SH3RF3: variants seen among roughly 807,000 people sequenced by gnomAD.
SH3RF3 encodes SH3 domain containing ring finger 3.
Under a neutral mutation model 66.3 loss-of-function variants are expected in SH3RF3, and 29 were observed. That is an observed-to-expected ratio of 0.44 (90% CI 0.33 to 0.60). The LOEUF is 0.60. SH3RF3 is among the 20% of genes least tolerant of loss of function. The probability of loss-of-function intolerance (pLI) is 0.04; values close to 1 mark genes in which losing one functional copy is unlikely to be tolerated. For synonymous variants in SH3RF3, 583 were observed against 532.0 expected (o/e 1.10, Z -1.32); for missense variants, 1,194 against 1,190.9 (o/e 1.00, Z -0.04).
intron 3 of SH3RF3, among the ~76,000 whole-genome samples, chr2:109,392,458 TG>T (rs1676024545): frequency 6.6e-6 from 1 of 151,944 alleles, no homozygotes; most frequent in African/African-American, 2.4e-5. Flanking sequence ...TGGGCACATG[TG>T]GGGATGAAGG....
At chr2:109,363,800 A>G (rs72943372) in intron 2 of SH3RF3, among the ~76,000 whole-genome samples, 2,278 of 152,230 alleles carry the variant, frequency 0.015, 49 homozygotes, top group African/African-American at 0.052. Context: ...TCTTGCTTGC[A>G]TTTTCTTTTG....
chr2:109,196,864 G>A lies in SH3RF3; in HGVS notation c.573+66751G>A, dbSNP rs184504654. Among the ~76,000 whole-genome samples, 267 of 152,316 alleles carry A rather than the reference G, an allele frequency of 1.8e-3. 1 individual carries two copies. Among genetic ancestry groups the A allele is most frequent in the Admixed American group, 6.3e-3 (96 of 15,306 alleles). Reference sequence around the variant, plus strand: ...AGATCCTGCCAAGAGACAGAGGTGGGCCTAGATGGACTTCCTTTGAGGACC... The same window carrying A: ...AGATCCTGCCAAGAGACAGAGGTGGACCTAGATGGACTTCCTTTGAGGACC... On this transcript the variant is annotated intron_variant, in intron 1 of 9. Coordinates refer to ENST00000309415, the MANE Select transcript of SH3RF3 (RefSeq NM_001099289.3).
chr2:109,269,965 C>T (rs1188472899), intron 1 of SH3RF3, among the ~76,000 whole-genome samples: 3 of 152,200 alleles, frequency 2.0e-5, no homozygotes, highest in Non-Finnish European at 4.4e-5. Context: ...GAATTCCTAG[C>T]TGTACAGAAA....
chr2:109,333,867 TG>T (rs1682342508), intron 1 of SH3RF3, among the ~76,000 whole-genome samples: 1 of 152,184 alleles, frequency 6.6e-6, no homozygotes. Flanking sequence ...ATAATTATGA[TG>T]ATATAATAAT....
chr2:109,427,487 C>A (rs1163879117), intron 5 of SH3RF3, among the ~76,000 whole-genome samples: 1 of 152,158 alleles, frequency 6.6e-6, no homozygotes, highest in Non-Finnish European at 1.5e-5. Context: ...GCTGTTGAAA[C>A]ACAGATTGCT....
chr2:109,347,559 AT>A (rs1328759974), intron 1 of SH3RF3, 114 bp from the exon 2 acceptor site: 2 of 1,384,940 alleles, frequency 1.4e-6, no homozygotes, highest in African/African-American at 2.9e-5. Flanking sequence ...GGCACTCTGT[AT>A]GCACCCCCAG....
At chr2:109,194,653 G>T (rs1678453472) in intron 1 of SH3RF3, among the ~76,000 whole-genome samples, 1 of 152,216 alleles carries the variant, frequency 6.6e-6, no homozygotes, top group South Asian at 2.1e-4. Context: ...GGAAGAGATG[G>T]GTTTGGTGAT....
intron 4 of SH3RF3, 121 bp from the exon 5 acceptor site, chr2:109,419,418 C>T (rs1220512331): frequency 2.0e-5 from 21 of 1,051,512 alleles, no homozygotes; most frequent in Non-Finnish European, 2.9e-5. Flanking sequence ...ACGTTGGAGG[C>T]CAAACAGCCA....
intron 2 of SH3RF3, among the ~76,000 whole-genome samples, chr2:109,360,004 C>G (rs921554270): frequency 6.6e-6 from 1 of 151,502 alleles, no homozygotes; most frequent in Non-Finnish European, 1.5e-5. Flanking sequence ...CAGAATGTTT[C>G]CTCATCCACA....
chr2:109,494,820 A>G (rs150169471), intron 9 of SH3RF3, among the ~76,000 whole-genome samples: 1 of 152,086 alleles, frequency 6.6e-6, no homozygotes, highest in Non-Finnish European at 1.5e-5. Context: ...ACTCCTCCAG[A>G]TCTCAACCAT....
chr2:109,359,338 T>G (rs1285203968), intron 2 of SH3RF3, among the ~76,000 whole-genome samples: 1 of 152,250 alleles, frequency 6.6e-6, no homozygotes, highest in Non-Finnish European at 1.5e-5. Context: ...TGAGATTGTG[T>G]TAAATCTATA....
intron 1 of SH3RF3, among the ~76,000 whole-genome samples, chr2:109,190,245 C>A (rs1281128877): frequency 6.6e-6 from 1 of 152,000 alleles, no homozygotes; most frequent in Admixed American, 6.5e-5. Context: ...GTGATCTTGG[C>A]CCACTGCAAC....
intron 1 of SH3RF3, chr2:109,141,445 C>T (rs990121474): frequency 1.3e-5 from 2 of 153,784 alleles, no homozygotes; most frequent in African/African-American, 4.8e-5. Flanking sequence ...GGGAGGGGCT[C>T]GAGACCTCTG....
chr2:109,444,817 A>C (rs568591696), intron 7 of SH3RF3, among the ~76,000 whole-genome samples: 1 of 152,350 alleles, frequency 6.6e-6, no homozygotes, highest in African/African-American at 2.4e-5. Context: ...AAACTCACAC[A>C]TAAGTTAGCC....
intron 2 of SH3RF3, among the ~76,000 whole-genome samples, chr2:109,354,400 C>T (rs534766159): frequency 2.0e-5 from 3 of 152,318 alleles, no homozygotes; most frequent in South Asian, 2.1e-4. Context: ...AGAAAAGTGG[C>T]GCAGCGTTCA....
At chr2:109,484,935 C>T (rs1678931239) in intron 8 of SH3RF3, among the ~76,000 whole-genome samples, 1 of 152,214 alleles carries the variant, frequency 6.6e-6, no homozygotes, top group African/African-American at 2.4e-5. Context: ...TTGTGTGTAC[C>T]TGGTGGAGTT....
intron 1 of SH3RF3, among the ~76,000 whole-genome samples, chr2:109,259,531 C>G (rs916391212): frequency 6.6e-6 from 1 of 152,196 alleles, no homozygotes; most frequent in Non-Finnish European, 1.5e-5. Context: ...CGGGGCCCTT[C>G]ATGCCTTAAC....
intron 2 of SH3RF3, among the ~76,000 whole-genome samples, chr2:109,357,772 T>C (rs1682980914): frequency 6.6e-6 from 1 of 152,222 alleles, no homozygotes; most frequent in Non-Finnish European, 1.5e-5. Context: ...GTTATATTTT[T>C]AGAGCCGTTG....
chr2:109,263,008 A>AT (rs200462191), intron 1 of SH3RF3, among the ~76,000 whole-genome samples: 17,275 of 149,660 alleles, frequency 0.12, 1,277 homozygotes, highest in Middle Eastern at 0.15. Flanking sequence ...CGTTTTTTGT[A>AT]TTTTTTTTTG....
Sources: allele counts gnomAD v4.1 joint callset (sites outside exome capture counted in the v4.1 genomes callset), GRCh38; gene constraint gnomAD v4.1.1; transcripts MANE v1.5; gene names NCBI Gene and HGNC (gene_info 2026-07-23, HGNC 2026-07-21).